Variants in GOLGA6L9 observed in about 807,000 individuals in gnomAD.
GOLGA6L9 encodes golgin A6 family like 9, also known as golgin subfamily A member 6-like protein 9.
A neutral mutation model predicts 51.3 loss-of-function variants in GOLGA6L9; 19 were observed. That is an observed-to-expected ratio of 0.37 (90% CI 0.26 to 0.54). GOLGA6L9 has a LOEUF of 0.54. Among genes scored for constraint, GOLGA6L9 ranks in the 20% least tolerant of loss-of-function variants. The probability of loss-of-function intolerance (pLI) is 0.83; values close to 1 mark genes in which losing one functional copy is unlikely to be tolerated. For synonymous variants in GOLGA6L9, 97 were observed against 184.2 expected (o/e 0.53, Z 3.83); for missense variants, 247 against 464.1 (o/e 0.53, Z 4.30).
At chr15:82,429,372 G>A (rs1293173956), upstream of GOLGA6L9, among the ~76,000 whole-genome samples, 3 of 152,112 alleles carry the variant, frequency 2.0e-5, no homozygotes, top group Admixed American at 2.0e-4. Context: ...ACCGCACCTG[G>A]CCCAAAAGCT....
Position 82,436,420 on chromosome 15 carries a change from C to G in GOLGA6L9, c.*9C>G, listed in dbSNP as rs1215194995. The G allele has an allele frequency of 6.4e-6, 10 of 1,559,222 alleles. 1 individual carries two copies. In the African/African-American group the frequency reaches 8.5e-5, roughly 13 times the overall value. On this transcript the variant is annotated 3_prime_UTR_variant, in exon 9 of 9. Transcript: ENST00000618348. ...ACATCACCATCATCTAAGAGCGGGT[C>G]AAGAAATTGAAAAAAAAAAACAAAA...
At chr15:82,418,059 G>A in the GOLGA6L9 span, among the ~76,000 whole-genome samples, 11 of 152,250 alleles carry the variant, frequency 7.2e-5, no homozygotes, top group African/African-American at 2.4e-4. Flanking sequence ...CCCAGGGTTT[G>A]GGCAAAGCAA....
chr15:82,435,112 G>A (rs1298187547), intron 7 of GOLGA6L9, 183 bp downstream of exon 7: 5 of 401,732 alleles, frequency 1.2e-5, no homozygotes, highest in Middle Eastern at 6.1e-4. Context: ...TTTAGAGGTG[G>A]GTAGCCCTGG....
In GOLGA6L9 at chr15:82,432,835, G is replaced by C; in HGVS notation, c.283G>C (p.Ala95Pro). The change falls in exon 4 of 9, where the codon GCA (alanine) becomes CCA (proline). Residue 95 changes from alanine (A) to proline (P), a missense_variant. Ala to Pro is a conservative substitution (Grantham distance 27). Transcript: ENST00000618348. ...ACCTCAGAGCCAGTACCAAGAACTAGCAGTAGCCCTGGATTCAAGCTCCGC... is the reference window on the plus strand; with the variant it reads ...ACCTCAGAGCCAGTACCAAGAACTACCAGTAGCCCTGGATTCAAGCTCCGC... The part of the protein sequence containing the change: ...QDLESQYQEL[A>P]VALDSSSAII... The C allele has an allele frequency of 6.2e-7, 1 of 1,612,460 alleles. No homozygotes were observed.
chr15:82,432,791 A>C, intron 3 of GOLGA6L9, 26 bp from the exon 4 acceptor site: 1 of 1,585,308 alleles, frequency 6.3e-7, no homozygotes, highest in South Asian at 1.1e-5. Flanking sequence ...TCTTTCTCCA[A>C]CTCCTTCTCT....
At chr15:82,427,330 TTC>T (rs2031228800), upstream of GOLGA6L9, among the ~76,000 whole-genome samples, 1 of 148,870 alleles carries the variant, frequency 6.7e-6, no homozygotes, top group African/African-American at 2.5e-5. Flanking sequence ...CTCTTTCTTT[TTC>T]TTTCTCTCTT....
chr15:82,419,895 T>A, the GOLGA6L9 span: 1 of 218,202 alleles, frequency 4.6e-6, no homozygotes, highest in African/African-American at 2.3e-5. Flanking sequence ...CTGCTACTGT[T>A]AAGTTATATG....
rs1240361238 is a variant in GOLGA6L9 at position 82,429,837 on chromosome 15, G to C, written c.-243G>C. ...GCGGCCTCTCCCCTCTCTCTGAGTG[G>C]GCGGGGACAGCGGTTGCATGGGCAG... is the stretch of plus-strand genomic sequence containing the variant. On this transcript the variant is annotated 5_prime_UTR_variant, in exon 1 of 9. Transcript: ENST00000618348. Among the ~76,000 whole-genome samples, 2 of 152,114 alleles carry C rather than the reference G, an allele frequency of 1.3e-5. No individual in the cohort carries two copies. Among genetic ancestry groups the C allele is most frequent in the Admixed American group, 6.5e-5 (1 of 15,280 alleles).
At chr15:82,419,607 G>GC in the GOLGA6L9 span, among the ~76,000 whole-genome samples, 1 of 152,062 alleles carries the variant, frequency 6.6e-6, no homozygotes, top group East Asian at 1.9e-4. Context: ...CTGAGATGGT[G>GC]CCACCGCACT....
At chr15:82,420,754 A>G in the GOLGA6L9 span, among the ~76,000 whole-genome samples, 1 of 152,158 alleles carries the variant, frequency 6.6e-6, no homozygotes, top group Non-Finnish European at 1.5e-5. Context: ...TTAACATGAA[A>G]TGCAGGCTGT....
rs1198021336 is a variant in GOLGA6L9 at position 82,434,315 on chromosome 15, C to T, written c.715C>T (p.Gln239Ter). 6 of 1,544,376 alleles carry T rather than the reference C, an allele frequency of 3.9e-6. No homozygotes were observed. The highest frequency in any genetic ancestry group is 5.2e-6 in the Non-Finnish European group (6 of 1,151,612). ...LREQEERLCE[Q>*]EKLPGQERLL... is the part of the protein sequence containing the mutation. ...TGAACAGGAGGAGAGGCTGTGTGAA[C>T]AGGAGAAGCTGCCAGGGCAGGAGAG... The change falls in exon 6 of 9, where the codon CAG becomes TAG. Residue 239 changes from glutamine (Q) to a stop codon, truncating the protein, a stop_gained. Coordinates refer to ENST00000618348, the MANE Select transcript of GOLGA6L9 (RefSeq NM_198181.4). LOFTEE classifies it high-confidence loss of function.
chr15:82,438,658 C>T lies in GOLGA6L9; in HGVS notation c.*2247C>T, dbSNP rs2031812176. ...TTCTGTAGGGAGTAAAGAATCAAAA[C>T]ACCTATTTAAAGACTGCAAAATATG... is the stretch of plus-strand genomic sequence containing the variant. On this transcript the variant is annotated 3_prime_UTR_variant, in exon 9 of 9. Transcript: ENST00000618348. 7 of 132,470 alleles carry T rather than the reference C, an allele frequency of 5.3e-5. No individual in the cohort carries two copies. Among genetic ancestry groups the T allele is most frequent in the African/African-American group, 1.4e-4 (5 of 34,570 alleles). The allele number at this position is 132,470 out of a possible 1,614,324, so 8.2% of individuals were successfully genotyped here.
rs2150825507 is a variant in GOLGA6L9, at chr15:82,429,895, A to G, written c.-185A>G. 6 of 778,716 alleles carry G rather than the reference A, an allele frequency of 7.7e-6. No individual in the cohort carries two copies. Among genetic ancestry groups the G allele is most frequent in the South Asian group, 4.4e-5 (3 of 68,434 alleles). 48.2% of individuals were successfully genotyped at this position (778,716 alleles called of 1,614,324 possible). ...TATGATGCTACAGGTCCCTCTGGACATGCTGCGCCTGGCCACGCCTCCTTT... is the reference window on the plus strand; with the variant it reads ...TATGATGCTACAGGTCCCTCTGGACGTGCTGCGCCTGGCCACGCCTCCTTT... On this transcript the variant is annotated 5_prime_UTR_variant, in exon 1 of 9. The change abolishes an upstream ATG in the 5' untranslated region. Transcript: ENST00000618348.
upstream of GOLGA6L9, among the ~76,000 whole-genome samples, chr15:82,427,704 T>G (rs1162421176): frequency 6.6e-6 from 1 of 151,460 alleles, no homozygotes; most frequent in East Asian, 1.9e-4. Context: ...TGTTCAAAAA[T>G]TTTTGTGGAG....
At chr15:82,425,992 T>C (rs2150823346), upstream of GOLGA6L9, among the ~76,000 whole-genome samples, 1 of 134,024 alleles carries the variant, frequency 7.5e-6, no homozygotes, top group Admixed American at 7.6e-5. Context: ...TAGGTAGTTA[T>C]ATTTAAAAAT....
Position 82,431,885 on chromosome 15 carries a change from AAAAG to A in GOLGA6L9, c.144_147del (p.Lys49SerfsTer45). 16 of 1,444,004 alleles carry A rather than the reference AAAAG, an allele frequency of 1.1e-5. 2 individuals are homozygous for A. The highest frequency in any genetic ancestry group is 1.5e-5 in the Non-Finnish European group (16 of 1,091,986). 89.4% of individuals were successfully genotyped at this position (1,444,004 alleles called of 1,614,324 possible). On this transcript the variant is annotated frameshift_variant, in exon 2 of 9. Coordinates refer to ENST00000618348, the MANE Select transcript of GOLGA6L9 (RefSeq NM_198181.4). LOFTEE classifies it high-confidence loss of function. ...GGCATTCCAGCAGGAGCTAACAGGA[AAAAG>A]AAAATCAATGGCAGTAGCCCTGACA...
At chr15:82,426,030 A>C (rs1381351615), upstream of GOLGA6L9, among the ~76,000 whole-genome samples, 5 of 75,698 alleles carry the variant, frequency 6.6e-5, no homozygotes, top group Non-Finnish European at 1.2e-4. Flanking sequence ...TGTACACATG[A>C]CCTTTTTAAA....
At chr15:82,418,035 T>G in the GOLGA6L9 span, among the ~76,000 whole-genome samples, 1 of 152,214 alleles carries the variant, frequency 6.6e-6, no homozygotes, top group African/African-American at 2.4e-5. Flanking sequence ...CATTAAACTT[T>G]CACTTTGAAA....
At chr15:82,417,052 G>A in the GOLGA6L9 span, among the ~76,000 whole-genome samples, 8 of 152,056 alleles carry the variant, frequency 5.3e-5, no homozygotes, top group African/African-American at 1.7e-4. Flanking sequence ...TCTAATTTCT[G>A]TCTCTGTAGA....
Sources: gnomAD v4.1 joint callset for allele counts (sites outside exome capture counted in the v4.1 genomes callset) on GRCh38, gnomAD v4.1.1 for gene constraint, MANE v1.5 for transcripts, NCBI Gene and HGNC (gene_info 2026-07-23, HGNC 2026-07-21) for gene names.